The following GREM2 variants were observed in gnomAD, a reference collection of about 807,000 sequenced individuals.
GREM2 encodes gremlin-2.
In GREM2, 11 loss-of-function variants were observed where a neutral mutation model predicts 14.2. The observed-to-expected ratio is 0.78, with a 90% CI of 0.49 to 1.28. GREM2 has a LOEUF of 1.28. Among genes scored for constraint, GREM2 ranks in the 50% most tolerant of loss-of-function variants. GREM2 has a pLI of 0.00. For missense variants in GREM2, 210 were observed against 218.5 expected (o/e 0.96, Z 0.24); for synonymous variants, 98 against 97.6 (o/e 1.00, Z -0.02).
intron 1 of GREM2, among the ~76,000 whole-genome samples, chr1:240,584,482 G>A (rs566089971): frequency 1.5e-5 from 2 of 130,570 alleles, no homozygotes; most frequent in Non-Finnish European, 3.1e-5. Flanking sequence ...GTGACAGAGC[G>A]AGACTCCATC....
chr1:240,552,285 A>G (rs1286918807), intron 1 of GREM2, among the ~76,000 whole-genome samples: 1 of 152,166 alleles, frequency 6.6e-6, no homozygotes, highest in African/African-American at 2.4e-5. Flanking sequence ...TTCCCTATAT[A>G]GAAAGACAGT....
intron 1 of GREM2, among the ~76,000 whole-genome samples, chr1:240,522,247 A>G (rs1357499460): frequency 2.0e-5 from 3 of 152,336 alleles, no homozygotes; most frequent in Admixed American, 2.0e-4. Flanking sequence ...AAGAGCAAAT[A>G]TAGAGCACAG....
At chr1:240,577,639 G>A (rs568320274) in intron 1 of GREM2, among the ~76,000 whole-genome samples, 1 of 152,294 alleles carries the variant, frequency 6.6e-6, no homozygotes, top group Admixed American at 6.5e-5. Flanking sequence ...TATTTCTTTG[G>A]GAAATTATTA....
chr1:240,587,939 C>T (rs570426925), intron 1 of GREM2, among the ~76,000 whole-genome samples: 78 of 152,232 alleles, frequency 5.1e-4, no homozygotes, highest in African/African-American at 1.8e-3. Context: ...CATTTCTGTG[C>T]CCTCCAGCCT....
In GREM2 at chr1:240,493,851, C is replaced by A. The variant is rs144061118; in HGVS notation, c.-1-375G>T. Among the ~76,000 whole-genome samples the A allele has an allele frequency of 1.9e-3, 291 of 152,304 alleles. 1 individual carries two copies. The highest frequency in any genetic ancestry group is 6.6e-3 in the African/African-American group (276 of 41,574). On this transcript the variant is annotated intron_variant, in intron 1 of 1. Coordinates refer to ENST00000318160, the MANE Select transcript of GREM2 (RefSeq NM_022469.4). ...TTTTAATGCTGTACGGTTTTACTAGCAGTGACAGTCAGGTGGGGCATGGCA... is the reference window on the plus strand; with the variant it reads ...TTTTAATGCTGTACGGTTTTACTAGAAGTGACAGTCAGGTGGGGCATGGCA...
Position 240,493,469 on chromosome 1 carries a change from A to T in GREM2, c.7T>A (p.Trp3Arg). 1 of 1,603,870 alleles carries T rather than the reference A, an allele frequency of 6.2e-7. No individual in the cohort carries two copies. Among genetic ancestry groups the T allele is most frequent in the East Asian group, 2.2e-5 (1 of 44,634 alleles). The change falls in exon 2 of 2, where the codon TGG becomes AGG. Residue 3 changes from tryptophan to arginine, a missense_variant. Physicochemically the swap from Trp to Arg is moderately radical, Grantham distance 101. Coordinates refer to ENST00000318160, the MANE Select transcript of GREM2 (RefSeq NM_022469.4). ...AGGAACAAGGACAGGGAAAGCTTCC[A>T]GAACATCCTGCAAACGAGAAAAGAG... The part of the protein sequence containing the change: MF[W>R]KLSLSLFLVA...
intron 1 of GREM2, among the ~76,000 whole-genome samples, chr1:240,609,695 A>G (rs1489675130): frequency 2.0e-5 from 3 of 152,176 alleles, no homozygotes; most frequent in African/African-American, 7.2e-5. Flanking sequence ...ACACTGAAGT[A>G]CAAAAGTGGC....
chr1:240,579,084 C>A (rs1679431827), intron 1 of GREM2, among the ~76,000 whole-genome samples: 1 of 152,118 alleles, frequency 6.6e-6, no homozygotes, highest in Admixed American at 6.5e-5. Flanking sequence ...CTCCTTAAAC[C>A]TTTAGGGGAT....
intron 1 of GREM2, among the ~76,000 whole-genome samples, chr1:240,552,646 G>A (rs1189009999): frequency 6.6e-6 from 1 of 152,196 alleles, no homozygotes; most frequent in Non-Finnish European, 1.5e-5. Context: ...TAGGGCAGGT[G>A]TCAGGAGATC....
intron 1 of GREM2, among the ~76,000 whole-genome samples, chr1:240,507,497 T>C (rs1677704556): frequency 6.6e-6 from 1 of 152,136 alleles, no homozygotes; most frequent in Non-Finnish European, 1.5e-5. Flanking sequence ...CATGCCCGGC[T>C]AATTTTTGTA....
chr1:240,558,283 T>G (rs1330155126), intron 1 of GREM2, among the ~76,000 whole-genome samples: 2 of 152,130 alleles, frequency 1.3e-5, no homozygotes, highest in Non-Finnish European at 2.9e-5. Flanking sequence ...TGATAGTAAT[T>G]GCCTTTGGGG....
chr1:240,495,007 AAT>A (rs1280814988), intron 1 of GREM2, among the ~76,000 whole-genome samples: 8 of 152,262 alleles, frequency 5.3e-5, no homozygotes, highest in African/African-American at 1.9e-4. Context: ...CTATGACACA[AAT>A]TCAATAGGAA....
At chr1:240,596,917 T>A (rs1168406692) in intron 1 of GREM2, among the ~76,000 whole-genome samples, 1 of 152,204 alleles carries the variant, frequency 6.6e-6, no homozygotes, top group Admixed American at 6.5e-5. Flanking sequence ...CCTGACCTTT[T>A]GATAGTCACT....
intron 1 of GREM2, among the ~76,000 whole-genome samples, chr1:240,532,440 C>T (rs1678381912): frequency 6.6e-6 from 1 of 152,120 alleles, no homozygotes; most frequent in South Asian, 2.1e-4. Context: ...GAGTCTCTAA[C>T]TTGATGACAA....
chr1:240,507,791 T>C (rs1317628835), intron 1 of GREM2, among the ~76,000 whole-genome samples: 1 of 30,432 alleles, frequency 3.3e-5, no homozygotes, highest in African/African-American at 1.3e-4. Context: ...AGAAGGAGGG[T>C]GGGGGTGGGA....
chr1:240,549,437 G>C (rs780924517), intron 1 of GREM2, among the ~76,000 whole-genome samples: 9 of 152,056 alleles, frequency 5.9e-5, no homozygotes, highest in Non-Finnish European at 1.0e-4. Flanking sequence ...CCTAAAAAGA[G>C]ATAAATCCCA....
chr1:240,542,481 G>T lies in GREM2; in HGVS notation c.-1-49005C>A, dbSNP rs1248542099. 6.6e-6 allele frequency among the ~76,000 whole-genome samples: 1 copy of T among 151,476 alleles called. No individual in the cohort carries two copies. The highest frequency in any genetic ancestry group is 1.5e-5 in the Non-Finnish European group (1 of 67,912). Reference sequence around the variant, plus strand: ...AAAAAAAAAATTAGCTGGGTGTGGTGGTGCGCACCTGTAGTCCCAGCTACT... The same window carrying T: ...AAAAAAAAAATTAGCTGGGTGTGGTTGTGCGCACCTGTAGTCCCAGCTACT... On this transcript the variant is annotated intron_variant, in intron 1 of 1. Transcript: ENST00000318160. This position sits in a 1 kb window ranked among gnomAD's most constrained non-coding sequence, Gnocchi z 4.1.
intron 1 of GREM2, among the ~76,000 whole-genome samples, chr1:240,577,387 T>C (rs1321701005): frequency 6.6e-6 from 1 of 152,250 alleles, no homozygotes; most frequent in Non-Finnish European, 1.5e-5. Flanking sequence ...GATTCTTCTT[T>C]ACTATAAACA....
At chr1:240,608,582 G>A (rs1680076253) in intron 1 of GREM2, among the ~76,000 whole-genome samples, 1 of 152,208 alleles carries the variant, frequency 6.6e-6, no homozygotes, top group African/African-American at 2.4e-5. Flanking sequence ...TGCAGACAAT[G>A]TTTGTTCTAG....
Sources: gnomAD v4.1 joint callset for allele counts (sites outside exome capture counted in the v4.1 genomes callset) on GRCh38, gnomAD v4.1.1 for gene constraint, Gnocchi (gnomAD v3.1) non-coding constraint, MANE v1.5 for transcripts, NCBI Gene and HGNC (gene_info 2026-07-23, HGNC 2026-07-21) for gene names.